Variants in EPM2A observed in about 807,000 individuals in gnomAD.
EPM2A encodes the protein laforin.
Under a neutral mutation model 26.5 loss-of-function variants are expected in EPM2A, and 21 were observed. The observed-to-expected ratio is 0.79, with a 90% CI of 0.56 to 1.14. EPM2A has a LOEUF of 1.14. EPM2A is among the 50% of genes most tolerant of loss of function. The pLI is 0.00. For synonymous variants in EPM2A, 217 were observed against 177.6 expected, an observed-to-expected ratio of 1.22 and a Z score of -1.76; for missense variants, 458 against 440.8, an observed-to-expected ratio of 1.04 and a Z score of -0.35.
intron 4 of EPM2A, among the ~76,000 whole-genome samples, chr6:145,443,493 T>C: frequency 6.6e-6 from 1 of 152,186 alleles, no homozygotes; most frequent in African/African-American, 2.4e-5. Flanking sequence ...TTTGTGGCAA[T>C]TGTGAATAGG....
At chr6:145,406,551 G>A (rs1778572314) in intron 4 of EPM2A, among the ~76,000 whole-genome samples, 1 of 152,094 alleles carries the variant, frequency 6.6e-6, no homozygotes, top group African/African-American at 2.4e-5. Flanking sequence ...CTTTTCATCT[G>A]ACTACAATTT....
intron 4 of EPM2A, among the ~76,000 whole-genome samples, chr6:145,431,696 T>C (rs1778923388): frequency 6.6e-6 from 1 of 152,150 alleles, no homozygotes; most frequent in Non-Finnish European, 1.5e-5. Flanking sequence ...ACTGATCGAG[T>C]GCTGATTACT....
intron 2 of EPM2A, among the ~76,000 whole-genome samples, chr6:145,673,657 G>A (rs991083627): frequency 5.9e-5 from 9 of 152,146 alleles, no homozygotes; most frequent in East Asian, 1.9e-4. Flanking sequence ...CCATGCCCAC[G>A]GAGCCTTGTT....
At chr6:145,632,086 T>C (rs552410736) in intron 3 of EPM2A, 1 of 152,300 alleles carries the variant, frequency 6.6e-6, no homozygotes, top group South Asian at 2.1e-4. Flanking sequence ...CCCTTTCATA[T>C]CAATTATCTT....
chr6:145,563,256 C>T (rs1484352697), intron 2 of EPM2A, among the ~76,000 whole-genome samples: 1 of 151,578 alleles, frequency 6.6e-6, no homozygotes, highest in Non-Finnish European at 1.5e-5. Context: ...GGACTTGAAG[C>T]TGTCCTTGGT....
In EPM2A at chr6:145,652,474, T is replaced by C. The variant is rs145297545; in HGVS notation, c.477-16988A>G. On this transcript the variant is annotated intron_variant, in intron 2 of 3. Transcript: ENST00000367519. Reference sequence around the variant, plus strand: ...CTGAAGGTGTTTACAAGACAGAACATATGAACTTTTAAAGACTTTGTACTA... The same window carrying C: ...CTGAAGGTGTTTACAAGACAGAACACATGAACTTTTAAAGACTTTGTACTA... Among the ~76,000 whole-genome samples, 61 of 152,256 alleles carry C rather than the reference T, an allele frequency of 4.0e-4. 1 individual carries two copies. The East Asian group carries it at 7.1e-3, about 18-fold the overall frequency.
chr6:145,488,965 A>G (rs115503003), intron 4 of EPM2A, among the ~76,000 whole-genome samples: 2 of 152,320 alleles, frequency 1.3e-5, no homozygotes, highest in African/African-American at 4.8e-5. Flanking sequence ...CATTGGCTGC[A>G]TTGCTCCTTA....
chr6:145,491,390 C>A (rs1009117087), intron 4 of EPM2A, among the ~76,000 whole-genome samples: 3 of 152,078 alleles, frequency 2.0e-5, no homozygotes, highest in African/African-American at 7.2e-5. Context: ...AAACTCTATG[C>A]GGGCCCTGTG....
intron 2 of EPM2A, among the ~76,000 whole-genome samples, chr6:145,517,455 G>T (rs897387519): frequency 1.6e-4 from 25 of 152,126 alleles, no homozygotes; most frequent in Non-Finnish European, 1.8e-4. Flanking sequence ...CCATGCTTGG[G>T]GGCTTCCCAA....
At chr6:145,475,223 C>G (rs1779526682) in intron 4 of EPM2A, among the ~76,000 whole-genome samples, 1 of 152,090 alleles carries the variant, frequency 6.6e-6, no homozygotes, top group African/African-American at 2.4e-5. Flanking sequence ...ATCCAAATGC[C>G]CATCAATGAT....
intron 2 of EPM2A, among the ~76,000 whole-genome samples, chr6:145,676,893 A>T (rs993572077): frequency 6.6e-6 from 1 of 152,156 alleles, no homozygotes; most frequent in Non-Finnish European, 1.5e-5. Context: ...TATTCCAATC[A>T]ATATAAAAAA....
intron 4 of EPM2A, among the ~76,000 whole-genome samples, chr6:145,392,199 G>A (rs1175174817): frequency 1.3e-5 from 2 of 152,172 alleles, no homozygotes; most frequent in Non-Finnish European, 2.9e-5. Context: ...CAATTAGAAC[G>A]GAGAGGGTTT....
chr6:145,612,961 A>G (rs1283276810), intron 2 of EPM2A, among the ~76,000 whole-genome samples: 1 of 151,984 alleles, frequency 6.6e-6, no homozygotes, highest in Admixed American at 6.6e-5. Context: ...TTCATAAAAT[A>G]AGACAATAAT....
downstream of EPM2A, among the ~76,000 whole-genome samples, chr6:145,500,388 G>A (rs933877663): frequency 5.3e-5 from 8 of 152,202 alleles, no homozygotes; most frequent in African/African-American, 1.9e-4. Context: ...CTACTTGGAA[G>A]TAGTACCTTC....
At chr6:145,434,157 T>C (rs1193929921) in intron 4 of EPM2A, among the ~76,000 whole-genome samples, 1 of 152,168 alleles carries the variant, frequency 6.6e-6, no homozygotes, top group East Asian at 1.9e-4. Flanking sequence ...CCATTATTTT[T>C]TGTTGAAAAC....
intron 2 of EPM2A, among the ~76,000 whole-genome samples, chr6:145,583,135 C>A (rs1012635306): frequency 1.3e-5 from 2 of 152,150 alleles, no homozygotes; most frequent in Non-Finnish European, 2.9e-5. Flanking sequence ...TCCTATTCAT[C>A]TTCTGAATTC....
chr6:145,430,047 C>T (rs1200701426), intron 4 of EPM2A, among the ~76,000 whole-genome samples: 1 of 151,260 alleles, frequency 6.6e-6, no homozygotes, highest in East Asian at 2.0e-4. Flanking sequence ...CAAAAATTAG[C>T]CCAGCATGGT....
At chr6:145,609,999 G>C (rs183208212) in intron 2 of EPM2A, among the ~76,000 whole-genome samples, 26 of 152,142 alleles carry the variant, frequency 1.7e-4, no homozygotes, top group Non-Finnish European at 3.2e-4. Context: ...GTTGGATCAC[G>C]AGGTCAGGAG....
At chr6:145,462,129 A>G (rs924184695) in intron 4 of EPM2A, among the ~76,000 whole-genome samples, 1 of 152,208 alleles carries the variant, frequency 6.6e-6, no homozygotes, top group Non-Finnish European at 1.5e-5. Context: ...TTAAAATACC[A>G]ACAAATCTGT....
Sources: gnomAD v4.1 joint callset for allele counts (sites outside exome capture counted in the v4.1 genomes callset) on GRCh38, gnomAD v4.1.1 for gene constraint, MANE v1.5 for transcripts, NCBI Gene and HGNC (gene_info 2026-07-23, HGNC 2026-07-21) for gene names.